Variants in CCDC192 observed in about 807,000 individuals in gnomAD.
CCDC192 encodes coiled-coil domain-containing protein 192.
At chr5:127,770,044 G>C (rs1405760012) in intron 3 of CCDC192, among the ~76,000 whole-genome samples, 2 of 152,118 alleles carry the variant, frequency 1.3e-5, no homozygotes, top group African/African-American at 4.8e-5. Context: ...TGAGATTCAG[G>C]TTCTAGGGAT....
In CCDC192 at chr5:127,720,269, CCAAA is replaced by C. The variant is rs751899515; in HGVS notation, c.114+12514_114+12517del. Among the ~76,000 whole-genome samples, 23 of 152,290 alleles carry C rather than the reference CCAAA, an allele frequency of 1.5e-4. No individual in the cohort carries two copies. In the South Asian group the frequency reaches 2.5e-3, roughly 16 times the overall value. On this transcript the variant is annotated intron_variant, in intron 2 of 6. Transcript: ENST00000514853. ...CTATTCTAAAAGGGAAAAAATCAGC[CCAAA>C]CAAAGGGGCTAAAGGCCCCATGCAA...
At position 127,918,216 on chromosome 5, in the gene CCDC192, T is replaced by TAAAAAAAAAAAAAA. The variant is rs1219307107; in HGVS notation, c.536-22960_536-22947dup. 2.0e-3 allele frequency among the ~76,000 whole-genome samples: 200 copies of TAAAAAAAAAAAAAA among 100,324 alleles called. 8 individuals carry two copies. The highest frequency in any genetic ancestry group is 8.5e-3 in the African/African-American group (187 of 22,100). 65.8% of individuals were successfully genotyped at this position (100,324 alleles called of 152,430 possible). On this transcript the variant is annotated intron_variant, in intron 6 of 6. Transcript: ENST00000514853. The stretch of plus-strand genomic sequence containing the variant: ...AGGGTTGCCAGACACCTTCAATTTG[T>TAAAAAAAAAAAAAA]AAAAAAAAAAAAAAAAAAAGTAGTA...
chr5:127,751,653 C>T lies in CCDC192; in HGVS notation c.115-2615C>T, dbSNP rs902704292. Among the ~76,000 whole-genome samples the T allele has an allele frequency of 7.9e-5, 12 of 152,248 alleles. 1 individual carries two copies. Among genetic ancestry groups the T allele is most frequent in the Middle Eastern group, 6.8e-3 (2 of 294 alleles). Reference sequence around the variant, plus strand: ...GTTCTCTATATTTCCTGAATCTGAACGTTGGCCTGCCTTGCTAGACTGGGG... The same window carrying T: ...GTTCTCTATATTTCCTGAATCTGAATGTTGGCCTGCCTTGCTAGACTGGGG... On this transcript the variant is annotated intron_variant, in intron 2 of 6. Coordinates refer to ENST00000514853, the MANE Select transcript of CCDC192 (RefSeq NM_001317938.2).
intron 5 of CCDC192, among the ~76,000 whole-genome samples, chr5:127,869,249 G>A (rs570511232): frequency 2.1e-4 from 32 of 152,212 alleles, no homozygotes; most frequent in Admixed American, 5.9e-4. Context: ...ACTTGAACCC[G>A]GGAGGTGGAG....
intron 6 of CCDC192, among the ~76,000 whole-genome samples, chr5:127,921,387 A>G (rs905633730): frequency 6.6e-6 from 1 of 152,180 alleles, no homozygotes; most frequent in African/African-American, 2.4e-5. Flanking sequence ...GTCACTCATA[A>G]TCACCATCAT....
At chr5:127,933,448 T>C (rs1238228927) in intron 6 of CCDC192, among the ~76,000 whole-genome samples, 1 of 152,222 alleles carries the variant, frequency 6.6e-6, no homozygotes, top group African/African-American at 2.4e-5. Flanking sequence ...TGCCTCAGAC[T>C]GAGCATAAGA....
At chr5:127,764,587 A>G (rs1014749827) in intron 3 of CCDC192, among the ~76,000 whole-genome samples, 1 of 152,012 alleles carries the variant, frequency 6.6e-6, no homozygotes, top group Non-Finnish European at 1.5e-5. Context: ...CCTTTTTTAG[A>G]TCTTCTGAAT....
chr5:127,737,880 A>T (rs1176519218), intron 2 of CCDC192, among the ~76,000 whole-genome samples: 4 of 151,982 alleles, frequency 2.6e-5, no homozygotes, highest in African/African-American at 9.7e-5. Flanking sequence ...TTGACTCTTT[A>T]TCCAATTTGC....
At chr5:127,867,772 T>C (rs962728906) in intron 5 of CCDC192, among the ~76,000 whole-genome samples, 10 of 152,242 alleles carry the variant, frequency 6.6e-5, no homozygotes, top group Non-Finnish European at 5.9e-5. Flanking sequence ...TTCTTTGCTA[T>C]GCTCAGCTGG....
chr5:127,842,133 G>A (rs1750318378), intron 5 of CCDC192, among the ~76,000 whole-genome samples: 1 of 152,252 alleles, frequency 6.6e-6, no homozygotes, highest in South Asian at 2.1e-4. Flanking sequence ...ATTCCCTGCA[G>A]TGCCCCAGGG....
At chr5:127,753,227 G>A (rs1754338379) in intron 2 of CCDC192, among the ~76,000 whole-genome samples, 1 of 152,092 alleles carries the variant, frequency 6.6e-6, no homozygotes, top group Non-Finnish European at 1.5e-5. Flanking sequence ...CTATAGGAAG[G>A]TCATCATCCT....
intron 5 of CCDC192, among the ~76,000 whole-genome samples, chr5:127,846,750 G>A (rs998354321): frequency 1.6e-4 from 24 of 149,578 alleles, no homozygotes; most frequent in African/African-American, 4.9e-4. Context: ...GATTACTGGC[G>A]TGAGCCACCG....
chr5:127,833,685 A>G (rs1365828699), intron 5 of CCDC192, among the ~76,000 whole-genome samples: 1 of 152,180 alleles, frequency 6.6e-6, no homozygotes, highest in Non-Finnish European at 1.5e-5. Flanking sequence ...TTGTGCTCCT[A>G]GAATTAATAA....
chr5:127,819,514 T>A (rs1749188137), intron 5 of CCDC192, among the ~76,000 whole-genome samples: 1 of 152,120 alleles, frequency 6.6e-6, no homozygotes, highest in African/African-American at 2.4e-5. Flanking sequence ...TATGTTATCT[T>A]TTTTGAGTCT....
rs74699679 is a variant in CCDC192 at position 127,825,840 on chromosome 5, T to C, written c.411+27678T>C. ...GAAGAAGATATTCCGTAAGAAGATA[T>C]TCCATATTTAATGCAATGCTTGGCA... On this transcript the variant is annotated intron_variant, in intron 5 of 6. Coordinates refer to ENST00000514853, the MANE Select transcript of CCDC192 (RefSeq NM_001317938.2). Among the ~76,000 whole-genome samples, 579 of 152,318 alleles carry C rather than the reference T, an allele frequency of 3.8e-3. 3 individuals carry two copies. Among genetic ancestry groups the C allele is most frequent in the African/African-American group, 0.013 (544 of 41,552 alleles).
At chr5:127,779,586 C>A (rs931184948) in intron 3 of CCDC192, among the ~76,000 whole-genome samples, 2 of 152,282 alleles carry the variant, frequency 1.3e-5, no homozygotes, top group East Asian at 3.9e-4. Context: ...TGAGCCACTG[C>A]GCCTAGCCTG....
At chr5:127,727,557 A>T (rs566263996) in intron 2 of CCDC192, among the ~76,000 whole-genome samples, 1 of 152,158 alleles carries the variant, frequency 6.6e-6, no homozygotes, top group Non-Finnish European at 1.5e-5. Flanking sequence ...CAAAAACCCC[A>T]TCCAAAAGTC....
At chr5:127,804,538 C>T (rs1320503752) in intron 5 of CCDC192, among the ~76,000 whole-genome samples, 10 of 152,202 alleles carry the variant, frequency 6.6e-5, no homozygotes, top group African/African-American at 2.4e-4. Flanking sequence ...CTCTCCATTT[C>T]TGAGTGTGTT....
At chr5:127,741,691 T>C (rs1022953150) in intron 2 of CCDC192, among the ~76,000 whole-genome samples, 7 of 152,212 alleles carry the variant, frequency 4.6e-5, no homozygotes, top group African/African-American at 1.7e-4. Flanking sequence ...AGGACTCCTC[T>C]AGCCCAGATC....
Sources: allele counts gnomAD v4.1 joint callset (sites outside exome capture counted in the v4.1 genomes callset), GRCh38; gene constraint gnomAD v4.1.1; transcripts MANE v1.5; gene names NCBI Gene and HGNC (gene_info 2026-07-23, HGNC 2026-07-21).